Variants in LDB2 observed in about 807,000 individuals in gnomAD.
The protein encoded by LDB2 is LIM domain binding 2.
Under a neutral mutation model 44.3 loss-of-function variants are expected in LDB2, and 12 were observed. The observed-to-expected ratio is 0.27, with a 90% CI of 0.17 to 0.44. The LOEUF (loss-of-function observed/expected upper bound fraction) is 0.44, where lower values mean the gene tolerates loss of function less well. Ranked by LOEUF, LDB2 falls within the 20% of genes least tolerant of loss-of-function variation. The pLI is 1.00. For missense variants in LDB2, 344 were observed against 473.5 expected, an observed-to-expected ratio of 0.73 and a Z score of 2.54; for synonymous variants, 164 against 174.8, an observed-to-expected ratio of 0.94 and a Z score of 0.49.
At chr4:16,851,404 G>A (rs1788215059) in intron 1 of LDB2, among the ~76,000 whole-genome samples, 2 of 152,034 alleles carry the variant, frequency 1.3e-5, no homozygotes, top group South Asian at 2.1e-4. Flanking sequence ...AGTAGGGATT[G>A]TGGCAATCAC....
intron 2 of LDB2, among the ~76,000 whole-genome samples, chr4:16,647,798 C>A (rs1039238246): frequency 2.0e-5 from 3 of 152,244 alleles, no homozygotes; most frequent in Admixed American, 1.3e-4. Context: ...ATTCAAATAC[C>A]AATACTTGTG....
chr4:16,869,737 G>A (rs73129851), intron 1 of LDB2, among the ~76,000 whole-genome samples: 2 of 152,242 alleles, frequency 1.3e-5, no homozygotes, highest in South Asian at 2.1e-4. Flanking sequence ...TACAGTTCAC[G>A]TGCTTCATTT....
chr4:16,875,075 C>A (rs1037759100), intron 1 of LDB2, among the ~76,000 whole-genome samples: 2 of 152,098 alleles, frequency 1.3e-5, no homozygotes, highest in African/African-American at 4.8e-5. Context: ...ATCTGATAGA[C>A]CAGAAAATCA....
intron 1 of LDB2, among the ~76,000 whole-genome samples, chr4:16,827,473 C>G (rs972748877): frequency 6.6e-6 from 1 of 152,114 alleles, no homozygotes; most frequent in African/African-American, 2.4e-5. Flanking sequence ...AGGATGAGAA[C>G]AAGGATAACT....
At chr4:16,844,775 C>T (rs1786626934) in intron 1 of LDB2, among the ~76,000 whole-genome samples, 1 of 152,182 alleles carries the variant, frequency 6.6e-6, no homozygotes, top group South Asian at 2.1e-4. Flanking sequence ...AACATTAGCA[C>T]ATTTTGCAGA....
intron 5 of LDB2, among the ~76,000 whole-genome samples, chr4:16,562,962 A>G (rs1157948439): frequency 1.3e-5 from 2 of 152,104 alleles, no homozygotes; most frequent in Non-Finnish European, 2.9e-5. Context: ...AAACTATCGC[A>G]AGGACAAAAA....
chr4:16,590,894 C>T (rs534000180), intron 3 of LDB2, among the ~76,000 whole-genome samples: 1 of 152,282 alleles, frequency 6.6e-6, no homozygotes, highest in East Asian at 1.9e-4. Flanking sequence ...CCTTGAGCAT[C>T]ATCAACTTTG....
chr4:16,766,893 T>A (rs1196307454), intron 1 of LDB2, among the ~76,000 whole-genome samples: 7 of 152,196 alleles, frequency 4.6e-5, no homozygotes, highest in Non-Finnish European at 8.8e-5. Context: ...TTTAAACATT[T>A]TGCTACTAAT....
chr4:16,528,082 A>G (rs1433988248), intron 5 of LDB2, among the ~76,000 whole-genome samples: 4 of 152,168 alleles, frequency 2.6e-5, no homozygotes, highest in Non-Finnish European at 5.9e-5. Flanking sequence ...ACTGGAGGCT[A>G]TTATCCTAAG....
intron 2 of LDB2, among the ~76,000 whole-genome samples, chr4:16,622,562 G>A (rs1221028257): frequency 6.6e-6 from 1 of 152,206 alleles, no homozygotes; most frequent in Non-Finnish European, 1.5e-5. Context: ...GGTTCTGAAT[G>A]AAAAGCTTTA....
At chr4:16,563,122 C>T (rs1353958801) in intron 5 of LDB2, among the ~76,000 whole-genome samples, 4 of 151,260 alleles carry the variant, frequency 2.6e-5, no homozygotes, top group African/African-American at 4.9e-5. Context: ...TGCTAAATGA[C>T]GAGTTAATGG....
intron 1 of LDB2, among the ~76,000 whole-genome samples, chr4:16,802,231 A>C (rs1208809697): frequency 6.6e-6 from 1 of 151,756 alleles, no homozygotes; most frequent in African/African-American, 2.4e-5. Flanking sequence ...TCCCTCCTAG[A>C]CTCTTCTAAC....
intron 1 of LDB2, among the ~76,000 whole-genome samples, chr4:16,809,686 G>T (rs963533157): frequency 6.6e-6 from 1 of 150,842 alleles, no homozygotes; most frequent in African/African-American, 2.4e-5. Context: ...CCTTCCTTTG[G>T]GAAAATGATC....
intron 1 of LDB2, among the ~76,000 whole-genome samples, chr4:16,815,761 C>T (rs946066009): frequency 1.3e-5 from 2 of 152,306 alleles, no homozygotes; most frequent in Non-Finnish European, 2.9e-5. Context: ...AAAGTTGTGA[C>T]TGTATGCTGA....
intron 6 of LDB2, among the ~76,000 whole-genome samples, chr4:16,511,239 C>A (rs1301904132): frequency 6.6e-6 from 1 of 152,058 alleles, no homozygotes; most frequent in African/African-American, 2.4e-5. Context: ...TAGCAAATGG[C>A]TACATTTTGC....
intron 5 of LDB2, among the ~76,000 whole-genome samples, chr4:16,564,738 A>G (rs1287734944): frequency 6.6e-6 from 1 of 152,234 alleles, no homozygotes; most frequent in African/African-American, 2.4e-5. Flanking sequence ...ACCAGAAAGA[A>G]ACTCTCCACA....
chr4:16,570,827 G>A (rs1024376523), intron 5 of LDB2, among the ~76,000 whole-genome samples: 2 of 152,096 alleles, frequency 1.3e-5, no homozygotes, highest in Non-Finnish European at 2.9e-5. Flanking sequence ...TGCTTACTAT[G>A]TGCCAGCTTT....
intron 6 of LDB2, among the ~76,000 whole-genome samples, chr4:16,509,275 A>C (rs1279550474): frequency 6.6e-6 from 1 of 152,222 alleles, no homozygotes; most frequent in African/African-American, 2.4e-5. Context: ...AGGGATTCCC[A>C]AGTTCAGAAG....
intron 1 of LDB2, among the ~76,000 whole-genome samples, chr4:16,897,097 G>C (rs947226610): frequency 5.9e-5 from 9 of 152,196 alleles, no homozygotes; most frequent in African/African-American, 2.2e-4. Flanking sequence ...CAATCAGAAA[G>C]CAGGTCACAT....
Sources: gnomAD v4.1 joint callset for allele counts (sites outside exome capture counted in the v4.1 genomes callset) on GRCh38, gnomAD v4.1.1 for gene constraint, MANE v1.5 for transcripts, NCBI Gene and HGNC (gene_info 2026-07-23, HGNC 2026-07-21) for gene names.